The following MCTP2 variants were observed in gnomAD, a reference collection of about 807,000 sequenced individuals.
The protein encoded by MCTP2 is multiple C2 and transmembrane domain-containing protein 2.
Under a neutral mutation model 111.6 loss-of-function variants are expected in MCTP2, and 132 were observed. The ratio of observed to expected loss-of-function variants is 1.18; its 90% CI spans 1.03 to 1.37. The LOEUF is 1.37. Among genes scored for constraint, MCTP2 ranks in the 40% most tolerant of loss-of-function variants. MCTP2 has a pLI of 0.00. For missense variants in MCTP2, 1,183 were observed against 1,067.9 expected, an observed-to-expected ratio of 1.11 and a Z score of -1.50; for synonymous variants, 395 against 387.7, an observed-to-expected ratio of 1.02 and a Z score of -0.22.
Position 94,298,493 on chromosome 15 carries a change from C to T in MCTP2, c.228C>T (p.Thr76=). The change falls in exon 2 of 23, where the codon ACC becomes ACT. Residue 76 remains threonine (T), a synonymous_variant. Coordinates refer to ENST00000357742, the MANE Select transcript of MCTP2 (RefSeq NM_001385001.1). The part of the protein sequence containing the change: ...RPYSGPQSSY[T]SVPSSLSTAG... The stretch of plus-strand genomic sequence containing the variant: ...ACTCCGGGCCACAGTCTTCCTACAC[C>T]TCGGTGCCCAGCAGTCTGTCCACTG... The T allele has an allele frequency of 6.2e-7, 1 of 1,614,076 alleles. No individual in the cohort carries two copies. The highest frequency in any genetic ancestry group is 8.5e-7 in the Non-Finnish European group (1 of 1,179,972).
chr15:94,251,125 G>A (rs561160643), intron 1 of MCTP2, among the ~76,000 whole-genome samples: 1 of 152,254 alleles, frequency 6.6e-6, no homozygotes, highest in South Asian at 2.1e-4. Flanking sequence ...AGTGTGAGGC[G>A]AGTCAGGCTG....
intron 1 of MCTP2, among the ~76,000 whole-genome samples, chr15:94,267,365 A>G (rs924060676): frequency 1.5e-4 from 23 of 152,194 alleles, no homozygotes; most frequent in Admixed American, 4.6e-4. Context: ...TATAAGCGTT[A>G]TGCTATGTTG....
chr15:94,444,832 T>A (rs111350999), intron 19 of MCTP2, among the ~76,000 whole-genome samples: 5 of 152,236 alleles, frequency 3.3e-5, no homozygotes, highest in Non-Finnish European at 5.9e-5. Context: ...TTCTTCCTGT[T>A]TGGCCAAGCC....
chr15:94,371,495 G>A (rs565004924), intron 12 of MCTP2, among the ~76,000 whole-genome samples: 37 of 152,186 alleles, frequency 2.4e-4, no homozygotes, highest in African/African-American at 7.9e-4. Flanking sequence ...TACATGCAGC[G>A]CTTTTCGAAT....
intron 17 of MCTP2, among the ~76,000 whole-genome samples, chr15:94,433,702 TTG>T (rs2083310646): frequency 6.6e-6 from 1 of 152,240 alleles, no homozygotes; most frequent in South Asian, 2.1e-4. Context: ...ATGTACCATT[TTG>T]TGTTTTTACC....
intron 19 of MCTP2, among the ~76,000 whole-genome samples, chr15:94,451,373 A>G (rs920291165): frequency 1.3e-5 from 2 of 152,232 alleles, no homozygotes; most frequent in African/African-American, 4.8e-5. Context: ...CTTGCTCACA[A>G]AGTAGACCCC....
chr15:94,347,408 C>CT (rs1327830750), intron 8 of MCTP2, among the ~76,000 whole-genome samples: 1 of 152,098 alleles, frequency 6.6e-6, no homozygotes, highest in Non-Finnish European at 1.5e-5. Context: ...ATATCATTAG[C>CT]TTTTTCACCT....
chr15:94,262,837 A>G (rs2073270736), intron 1 of MCTP2, among the ~76,000 whole-genome samples: 1 of 151,934 alleles, frequency 6.6e-6, no homozygotes, highest in Non-Finnish European at 1.5e-5. Flanking sequence ...TGGCCATGTA[A>G]TTTTTATATT....
At chr15:94,472,819 C>T (rs960664265) in intron 21 of MCTP2, among the ~76,000 whole-genome samples, 5 of 152,172 alleles carry the variant, frequency 3.3e-5, no homozygotes, top group African/African-American at 4.8e-5. Context: ...TCTGTTAGGA[C>T]TTATCCTAAG....
chr15:94,339,455 T>A (rs940529659), intron 5 of MCTP2, 23 bp downstream of exon 5: 3 of 1,550,904 alleles, frequency 1.9e-6, no homozygotes, highest in African/African-American at 2.8e-5. Context: ...AGCTTTCAAA[T>A]CTGCTCCTTT....
At chr15:94,403,347 C>A in intron 17 of MCTP2, 1 of 581,428 alleles carries the variant, frequency 1.7e-6, no homozygotes, top group Non-Finnish European at 2.2e-6. Flanking sequence ...TTGAGTTCCC[C>A]TTCAACCTCC....
intron 19 of MCTP2, among the ~76,000 whole-genome samples, chr15:94,456,064 A>G (rs1009179630): frequency 6.6e-6 from 1 of 152,214 alleles, no homozygotes; most frequent in Non-Finnish European, 1.5e-5. Context: ...TATAGGTCCA[A>G]TATAATAAAA....
At chr15:94,432,321 G>C (rs1005898675) in intron 17 of MCTP2, among the ~76,000 whole-genome samples, 2 of 152,112 alleles carry the variant, frequency 1.3e-5, no homozygotes, top group Admixed American at 6.5e-5. Flanking sequence ...GGCAAATATA[G>C]AGAACATATA....
chr15:94,311,143 G>A (rs980617450), intron 2 of MCTP2, among the ~76,000 whole-genome samples: 16 of 151,296 alleles, frequency 1.1e-4, no homozygotes, highest in African/African-American at 3.9e-4. Flanking sequence ...TCCTGCCTCA[G>A]CCTCCCGAGA....
intron 1 of MCTP2, among the ~76,000 whole-genome samples, chr15:94,279,920 T>C (rs767795965): frequency 6.6e-6 from 1 of 152,224 alleles, no homozygotes; most frequent in Non-Finnish European, 1.5e-5. Context: ...TTGATTTGCA[T>C]ACTTTGAACC....
At chr15:94,263,715 G>C (rs920361385) in intron 1 of MCTP2, among the ~76,000 whole-genome samples, 3 of 152,184 alleles carry the variant, frequency 2.0e-5, no homozygotes, top group Admixed American at 6.5e-5. Flanking sequence ...CAGTTTGAGA[G>C]CTGAAACAAG....
chr15:94,421,118 A>T (rs2082610606), intron 17 of MCTP2, among the ~76,000 whole-genome samples: 1 of 150,424 alleles, frequency 6.6e-6, no homozygotes, highest in African/African-American at 2.4e-5. Flanking sequence ...TTTAGCAATG[A>T]ACTGTTTTTA....
intron 21 of MCTP2, among the ~76,000 whole-genome samples, chr15:94,475,079 C>T (rs190363414): frequency 7.9e-5 from 12 of 152,272 alleles, no homozygotes; most frequent in Admixed American, 2.6e-4. Context: ...GTTCTCAATA[C>T]GTCTTTGTCT....
chr15:94,339,831 A>G (rs1295383620), intron 5 of MCTP2, among the ~76,000 whole-genome samples: 1 of 152,222 alleles, frequency 6.6e-6, no homozygotes, highest in Non-Finnish European at 1.5e-5. Flanking sequence ...TGAGATTGCT[A>G]TAGAAAATTT....
Sources: gnomAD v4.1 joint callset for allele counts (sites outside exome capture counted in the v4.1 genomes callset) on GRCh38, gnomAD v4.1.1 for gene constraint, MANE v1.5 for transcripts, NCBI Gene and HGNC (gene_info 2026-07-23, HGNC 2026-07-21) for gene names.